The following TAF12 variants were observed in gnomAD, a reference collection of about 807,000 sequenced individuals.
The protein encoded by TAF12 is transcription initiation factor TFIID subunit 12.
Under a neutral mutation model 20.8 loss-of-function variants are expected in TAF12, and 3 were observed. The ratio of observed to expected loss-of-function variants is 0.14; its 90% CI spans 0.07 to 0.37. TAF12 has a LOEUF of 0.37. TAF12 is among the 10% of genes least tolerant of loss of function. The probability of loss-of-function intolerance (pLI) is 1.00; values close to 1 mark genes in which losing one functional copy is unlikely to be tolerated. For missense variants in TAF12, 131 were observed against 197.9 expected (o/e 0.66, Z 2.03); for synonymous variants, 69 against 70.2 (o/e 0.98, Z 0.09).
chr1:28,627,223 A>T (rs1480995516), intron 1 of TAF12, among the ~76,000 whole-genome samples: 4 of 151,634 alleles, frequency 2.6e-5, no homozygotes, highest in Non-Finnish European at 5.9e-5. Context: ...CCCCATCTCT[A>T]CTAAAAATAT....
At chr1:28,648,053 C>T, upstream of TAF12, 3 of 531,564 alleles carry the variant, frequency 5.6e-6, no homozygotes, top group Non-Finnish European at 7.2e-6. Context: ...ATGAACACAC[C>T]ATGACAATCA....
intron 1 of TAF12, among the ~76,000 whole-genome samples, chr1:28,623,042 A>C (rs1210023610): frequency 1.3e-5 from 2 of 151,684 alleles, no homozygotes; most frequent in Non-Finnish European, 2.9e-5. Context: ...CCCACAAAAA[A>C]AAAAACAAAA....
intron 4 of TAF12, among the ~76,000 whole-genome samples, chr1:28,612,438 C>CA (rs930047219): frequency 2.9e-5 from 4 of 137,676 alleles, no homozygotes; most frequent in African/African-American, 2.7e-5. Context: ...GAGACTCGAT[C>CA]AAAAAAATAT....
chr1:28,615,106 A>AAAAT (rs1405460116), intron 3 of TAF12, among the ~76,000 whole-genome samples: 15 of 152,232 alleles, frequency 9.9e-5, no homozygotes, highest in South Asian at 4.1e-4. Context: ...CCTTGTCTCA[A>AAAAT]AAATAAATAA....
At chr1:28,616,586 T>C (rs1428905499) in intron 3 of TAF12, among the ~76,000 whole-genome samples, 1 of 149,922 alleles carries the variant, frequency 6.7e-6, no homozygotes, top group Non-Finnish European at 1.5e-5. Context: ...ATACAAAAAT[T>C]AGCCAGGTGT....
intron 2 of TAF12, 147 bp downstream of exon 2, chr1:28,621,767 A>C: frequency 7.9e-7 from 1 of 1,269,812 alleles, no homozygotes; most frequent in Non-Finnish European, 1.1e-6. Context: ...TAAAACAAAC[A>C]AAAAAAGTTA....
At chr1:28,625,763 G>C (rs9426293) in intron 1 of TAF12, among the ~76,000 whole-genome samples, 30,642 of 151,634 alleles carry the variant, frequency 0.2, 3,833 homozygotes, top group Middle Eastern at 0.32. Flanking sequence ...GGATGGTCTC[G>C]ATCTCCTGAC....
rs183502438 is a variant in TAF12, at chr1:28,634,550, G to C, written c.-85+8442C>G. ...TGCTATGAGTCACAAAGTAAATATG[G>C]AAAGTCCACCCCCCAGTGATTGGTT... On this transcript the variant is annotated intron_variant, in intron 1 of 5. Transcript: ENST00000373824. Among the ~76,000 whole-genome samples, 499 of 152,076 alleles carry C rather than the reference G, an allele frequency of 3.3e-3. 1 individual carries two copies. The highest frequency in any genetic ancestry group is 0.011 in the African/African-American group (477 of 41,480).
chr1:28,645,587 G>T (rs1231136997), upstream of TAF12, among the ~76,000 whole-genome samples: 1 of 151,886 alleles, frequency 6.6e-6, no homozygotes, highest in Non-Finnish European at 1.5e-5. Flanking sequence ...GGTGGAGGTT[G>T]CAGTGAGCGG....
At chr1:28,638,419 C>T (rs1271714301) in intron 1 of TAF12, among the ~76,000 whole-genome samples, 1 of 151,410 alleles carries the variant, frequency 6.6e-6, no homozygotes, top group African/African-American at 2.4e-5. Flanking sequence ...GAACTCCCAA[C>T]CTCAGGTGAT....
intron 2 of TAF12, among the ~76,000 whole-genome samples, chr1:28,620,802 A>C (rs1667198051): frequency 6.8e-6 from 1 of 146,910 alleles, no homozygotes; most frequent in African/African-American, 2.4e-5. Context: ...CAACAGAGCA[A>C]AACCCTTTCT....
intron 1 of TAF12, among the ~76,000 whole-genome samples, chr1:28,629,657 T>C (rs1374844385): frequency 6.6e-6 from 1 of 151,970 alleles, no homozygotes; most frequent in Non-Finnish European, 1.5e-5. Flanking sequence ...GTTTGTTTGT[T>C]TGCAGAGATA....
chr1:28,616,423 G>T (rs1396878499), intron 3 of TAF12, among the ~76,000 whole-genome samples: 1 of 147,562 alleles, frequency 6.8e-6, no homozygotes, highest in Non-Finnish European at 1.5e-5. Flanking sequence ...AAAAGAAAAA[G>T]AAAAACAGTA....
At chr1:28,635,892 T>C (rs1487259617) in intron 1 of TAF12, among the ~76,000 whole-genome samples, 1 of 152,064 alleles carries the variant, frequency 6.6e-6, no homozygotes, top group Non-Finnish European at 1.5e-5. Context: ...AAAACCTTTT[T>C]TTACCTCTGA....
At chr1:28,619,881 G>C (rs1667154822) in intron 2 of TAF12, among the ~76,000 whole-genome samples, 1 of 151,316 alleles carries the variant, frequency 6.6e-6, no homozygotes, top group Non-Finnish European at 1.5e-5. Flanking sequence ...ATTGGGAGGA[G>C]GAGGTTGCAG....
chr1:28,648,264 A>G, exon 1 of TAF12: 2 of 985,210 alleles, frequency 2.0e-6, no homozygotes, highest in Non-Finnish European at 2.4e-6. Context: ...GCAGTTGACA[A>G]GAAAGACCCA....
At chr1:28,634,394 C>G (rs375559281) in intron 1 of TAF12, among the ~76,000 whole-genome samples, 1 of 129,768 alleles carries the variant, frequency 7.7e-6, no homozygotes, top group African/African-American at 3.0e-5. Flanking sequence ...CCAGCTTGGG[C>G]GACAGAGCGA....
At chr1:28,622,617 AGT>A (rs1667255828) in intron 1 of TAF12, among the ~76,000 whole-genome samples, 1 of 152,186 alleles carries the variant, frequency 6.6e-6, no homozygotes, top group South Asian at 2.1e-4. Context: ...GGCCGCGTGC[AGT>A]AGCTCATGTC....
chr1:28,631,456 C>T (rs188081061), intron 1 of TAF12, among the ~76,000 whole-genome samples: 12 of 151,988 alleles, frequency 7.9e-5, no homozygotes, highest in East Asian at 5.8e-4. Flanking sequence ...ACCTGGGAGG[C>T]GGAGGTTACA....
Sources: gnomAD v4.1 joint callset for allele counts (sites outside exome capture counted in the v4.1 genomes callset) on GRCh38, gnomAD v4.1.1 for gene constraint, MANE v1.5 for transcripts, NCBI Gene and HGNC (gene_info 2026-07-23, HGNC 2026-07-21) for gene names.